The following PKNOX2 variants were observed in gnomAD, a reference collection of about 807,000 sequenced individuals.
The protein encoded by PKNOX2 is PBX/knotted 1 homeobox 2.
PKNOX2 carries 14 observed loss-of-function variants against 53.1 expected under a neutral mutation model. The observed-to-expected ratio is 0.26, with a 90% CI of 0.17 to 0.41. The LOEUF is 0.41. Ranked by LOEUF, PKNOX2 falls within the 10% of genes least tolerant of loss-of-function variation. PKNOX2 has a pLI of 1.00. For synonymous variants in PKNOX2, 257 were observed against 242.8 expected, an observed-to-expected ratio of 1.06 and a Z score of -0.54; for missense variants, 496 against 602.8, an observed-to-expected ratio of 0.82 and a Z score of 1.85.
intron 1 of PKNOX2, among the ~76,000 whole-genome samples, chr11:125,190,463 T>C (rs561821912): frequency 6.6e-6 from 1 of 152,218 alleles, no homozygotes. Flanking sequence ...ATGGCCTGAT[T>C]AATTCTCTCA....
intron 2 of PKNOX2, chr11:125,331,599 G>A (rs1369873159): frequency 1.3e-5 from 2 of 152,326 alleles, no homozygotes; most frequent in Non-Finnish European, 2.9e-5. Context: ...GTTCAACAGT[G>A]ACCAGGGCCT....
chr11:125,279,137 C>A (rs1946376664), intron 2 of PKNOX2, among the ~76,000 whole-genome samples: 1 of 152,228 alleles, frequency 6.6e-6, no homozygotes, highest in Non-Finnish European at 1.5e-5. Flanking sequence ...GGTCAAGTGC[C>A]CTGGCTCGTC....
intron 1 of PKNOX2, among the ~76,000 whole-genome samples, chr11:125,196,615 A>C (rs1937719683): frequency 1.3e-5 from 2 of 152,178 alleles, no homozygotes; most frequent in African/African-American, 2.4e-5. Context: ...GAGAGCCATG[A>C]AGCCAAACCT....
At position 125,416,029 on chromosome 11, in the gene PKNOX2, T is replaced by C. The variant is rs141603764; in HGVS notation, c.936+4164T>C. Among the ~76,000 whole-genome samples, 686 of 152,072 alleles carry C rather than the reference T, an allele frequency of 4.5e-3. 7 individuals are homozygous for C. The highest frequency in any genetic ancestry group is 0.015 in the African/African-American group (626 of 41,476). ...ATAGAAAGTGGAATTACAGGCCGGG[T>C]GCGGTGGCTCACGCCTGTAATCCCA... On this transcript the variant is annotated intron_variant, in intron 10 of 12. Transcript: ENST00000298282.
At chr11:125,392,819 G>C (rs1202315841) in intron 6 of PKNOX2, among the ~76,000 whole-genome samples, 1 of 152,102 alleles carries the variant, frequency 6.6e-6, no homozygotes. Context: ...ACGGGGAAGG[G>C]AAAGAGAAGA....
chr11:125,380,941 C>T (rs1953178963), intron 5 of PKNOX2, among the ~76,000 whole-genome samples: 1 of 152,178 alleles, frequency 6.6e-6, no homozygotes, highest in Non-Finnish European at 1.5e-5. Context: ...TAGGCAGGTA[C>T]AGGCTGGGCA....
rs142632534 is a variant in PKNOX2, at chr11:125,193,411, A to C, written c.-201+28635A>C. ...GTTGCCCTGCATCTTTCTGAGGCAA[A>C]GTTGAGGTTTTTTACTGTTTCAAGC... On this transcript the variant is annotated intron_variant, in intron 1 of 12. Coordinates refer to ENST00000298282, the MANE Select transcript of PKNOX2 (RefSeq NM_001382323.2). Among the ~76,000 whole-genome samples, 7 of 152,220 alleles carry C rather than the reference A, an allele frequency of 4.6e-5. No homozygotes were observed. In the East Asian group the frequency reaches 1.4e-3, roughly 29 times the overall value.
chr11:125,321,226 G>C (rs1949499559), intron 2 of PKNOX2, among the ~76,000 whole-genome samples: 1 of 152,336 alleles, frequency 6.6e-6, no homozygotes, highest in South Asian at 2.1e-4. Context: ...GCAGAGATCA[G>C]CAAACTTTTT....
At chr11:125,390,046 G>A (rs1254433231) in intron 6 of PKNOX2, among the ~76,000 whole-genome samples, 1 of 152,202 alleles carries the variant, frequency 6.6e-6, no homozygotes, top group African/African-American at 2.4e-5. Context: ...AGCCACTTTG[G>A]CCTTCAGTCC....
chr11:125,389,372 C>T (rs1017884610), intron 6 of PKNOX2, among the ~76,000 whole-genome samples: 2 of 152,202 alleles, frequency 1.3e-5, no homozygotes, highest in Non-Finnish European at 2.9e-5. Flanking sequence ...CCTTCACTTG[C>T]AAATAAAAGT....
intron 9 of PKNOX2, chr11:125,411,471 T>C (rs1955514734): frequency 2.9e-6 from 1 of 343,398 alleles, no homozygotes; most frequent in South Asian, 2.4e-5. Context: ...TTTCTCTCTC[T>C]CTCTCTCTCT....
At position 125,383,106 on chromosome 11, in the gene PKNOX2, G is replaced by C. The variant is rs148622203; in HGVS notation, c.228-2445G>C. Among the ~76,000 whole-genome samples, 401 of 152,300 alleles carry C rather than the reference G, an allele frequency of 2.6e-3. 1 individual carries two copies. Among genetic ancestry groups the C allele is most frequent in the Non-Finnish European group, 4.4e-3 (299 of 68,024 alleles). ...TTCCTCCCCCACCACCCCTGAGTCT[G>C]AGTAGAAAGACTCATAAAATGCGAG... On this transcript the variant is annotated intron_variant, in intron 5 of 12. Coordinates refer to ENST00000298282, the MANE Select transcript of PKNOX2 (RefSeq NM_001382323.2).
At chr11:125,420,504 T>C (rs570690094) in intron 10 of PKNOX2, among the ~76,000 whole-genome samples, 1 of 149,492 alleles carries the variant, frequency 6.7e-6, no homozygotes, top group Non-Finnish European at 1.5e-5. Context: ...CCAGCCTGGG[T>C]GACAGAGCAA....
chr11:125,429,871 AAT>A lies in PKNOX2; in HGVS notation c.1014-91_1014-90del. 6 of 1,403,600 alleles carry A rather than the reference AAT, an allele frequency of 4.3e-6. No homozygotes were observed. In the Admixed American group the frequency reaches 1.3e-4, roughly 31 times the overall value. The allele number at this position is 1,403,600 out of a possible 1,614,324, so 86.9% of individuals were successfully genotyped here. On this transcript the variant is annotated intron_variant, in intron 11 of 12. Coordinates refer to ENST00000298282, the MANE Select transcript of PKNOX2 (RefSeq NM_001382323.2). ...ATGGGAACCCCGGTCTGCTCTGTGA[AAT>A]GGAGTCTGAAGGCAGCTTCACCCTC...
intron 3 of PKNOX2, among the ~76,000 whole-genome samples, chr11:125,333,398 G>A (rs1048016780): frequency 6.6e-6 from 1 of 152,142 alleles, no homozygotes; most frequent in African/African-American, 2.4e-5. Context: ...TCACCTGCAT[G>A]GTAGAATATG....
intron 1 of PKNOX2, among the ~76,000 whole-genome samples, chr11:125,219,760 T>A (rs1304528388): frequency 6.6e-6 from 1 of 152,224 alleles, no homozygotes; most frequent in Non-Finnish European, 1.5e-5. Flanking sequence ...AAATTTGATA[T>A]CGCATTCTAT....
rs1380572179 is a variant in PKNOX2 at position 125,165,307 on chromosome 11, G to A, written c.-201+531G>A. Reference sequence around the variant, plus strand: ...GCGCCAGGAGCGCCAGGGGACCCGAGAATAGGAACAGGCACGCCGGCCCGA... The same window carrying A: ...GCGCCAGGAGCGCCAGGGGACCCGAAAATAGGAACAGGCACGCCGGCCCGA... On this transcript the variant is annotated intron_variant, in intron 1 of 12. Transcript: ENST00000298282. The surrounding 1 kb of genome is among the most constrained non-coding windows in gnomAD (Gnocchi z 4.5). 6.6e-6 allele frequency among the ~76,000 whole-genome samples: 1 copy of A among 152,112 alleles called. No homozygotes were observed. Among genetic ancestry groups the A allele is most frequent in the Non-Finnish European group, 1.5e-5 (1 of 67,988 alleles).
rs997319045 is a variant in PKNOX2 at position 125,256,390 on chromosome 11, C to T, written c.-130+21275C>T. ...TCAGAAGTCTTCAGAATCAAGTATC[C>T]TCCTTCCTCTGGGACTGTTCCCCAC... is the stretch of plus-strand genomic sequence containing the variant. On this transcript the variant is annotated intron_variant, in intron 2 of 12. Transcript: ENST00000298282. 5.3e-5 allele frequency among the ~76,000 whole-genome samples: 8 copies of T among 152,162 alleles called. No individual in the cohort carries two copies. In the East Asian group the frequency reaches 7.7e-4, roughly 15 times the overall value.
chr11:125,236,403 G>C (rs1410212345), intron 2 of PKNOX2, among the ~76,000 whole-genome samples: 2 of 149,946 alleles, frequency 1.3e-5, no homozygotes, highest in Non-Finnish European at 3.0e-5. Context: ...TGGGTGGAGG[G>C]GCAGACTAGA....
Sources: allele counts gnomAD v4.1 joint callset (sites outside exome capture counted in the v4.1 genomes callset), GRCh38; gene constraint gnomAD v4.1.1; non-coding constraint Gnocchi (gnomAD v3.1); transcripts MANE v1.5; gene names NCBI Gene and HGNC (gene_info 2026-07-23, HGNC 2026-07-21).